The following NAALADL2 variants were observed in gnomAD, a reference collection of about 807,000 sequenced individuals.
NAALADL2 encodes the protein N-acetylated alpha-linked acidic dipeptidase like 2.
Under a neutral mutation model 87.2 loss-of-function variants are expected in NAALADL2, and 76 were observed. That is an observed-to-expected ratio of 0.87 (90% confidence interval 0.72 to 1.05). The LOEUF (loss-of-function observed/expected upper bound fraction) is 1.05. NAALADL2 is among the 50% of genes least tolerant of loss of function. NAALADL2 has a pLI of 0.00. For missense variants in NAALADL2, 1,089 were observed against 945.8 expected, an observed-to-expected ratio of 1.15 and a Z score of -1.99; for synonymous variants, 354 against 331.0, an observed-to-expected ratio of 1.07 and a Z score of -0.75.
chr3:175,774,329 C>T (rs556511244), intron 13 of NAALADL2, among the ~76,000 whole-genome samples: 1 of 151,826 alleles, frequency 6.6e-6, no homozygotes, highest in East Asian at 1.9e-4. Context: ...AGCATACAGC[C>T]AAAAATGTTT....
At chr3:175,139,597 A>T (rs6443289) in intron 2 of NAALADL2, among the ~76,000 whole-genome samples, 19,965 of 152,014 alleles carry the variant, frequency 0.13, 1,556 homozygotes, top group African/African-American at 0.21. Context: ...ATATTTTATT[A>T]TCCATATTCA....
chr3:175,170,519 G>A (rs549762780), intron 2 of NAALADL2, among the ~76,000 whole-genome samples: 4 of 147,010 alleles, frequency 2.7e-5, no homozygotes, highest in Non-Finnish European at 6.0e-5. Flanking sequence ...CACATATATA[G>A]TATTTGCCTA....
intron 2 of NAALADL2, among the ~76,000 whole-genome samples, chr3:174,625,926 T>C (rs964724913): frequency 5.3e-5 from 8 of 152,078 alleles, no homozygotes; most frequent in African/African-American, 1.9e-4. Context: ...CTTTAAGTTG[T>C]GGAATACAGG....
At chr3:174,524,210 G>A (rs1295501019) in intron 1 of NAALADL2, among the ~76,000 whole-genome samples, 1 of 152,126 alleles carries the variant, frequency 6.6e-6, no homozygotes, top group Non-Finnish European at 1.5e-5. Context: ...AATGACTAAT[G>A]TATCAGATGG....
intron 2 of NAALADL2, among the ~76,000 whole-genome samples, chr3:175,193,610 T>C (rs1738534033): frequency 6.6e-6 from 1 of 151,900 alleles, no homozygotes; most frequent in Non-Finnish European, 1.5e-5. Flanking sequence ...CCCCATTCCA[T>C]ACCCCTCTAC....
chr3:175,342,258 T>A (rs1229497081), intron 5 of NAALADL2, among the ~76,000 whole-genome samples: 2 of 152,094 alleles, frequency 1.3e-5, no homozygotes, highest in East Asian at 3.9e-4. Flanking sequence ...AGGTTTCAGA[T>A]AAGAAGCTAC....
chr3:175,511,940 G>T (rs890979087), intron 9 of NAALADL2, among the ~76,000 whole-genome samples: 1 of 152,050 alleles, frequency 6.6e-6, no homozygotes, highest in African/African-American at 2.4e-5. Flanking sequence ...CTACTAATTG[G>T]CTTAAGAAAC....
intron 1 of NAALADL2, among the ~76,000 whole-genome samples, chr3:174,938,263 G>C (rs1232013104): frequency 6.6e-6 from 1 of 151,966 alleles, no homozygotes; most frequent in Non-Finnish European, 1.5e-5. Flanking sequence ...ATGTATAAGT[G>C]AAAACATGTG....
intron 12 of NAALADL2, among the ~76,000 whole-genome samples, chr3:175,741,681 A>G (rs1050108339): frequency 1.3e-5 from 2 of 152,154 alleles, no homozygotes; most frequent in Non-Finnish European, 2.9e-5. Flanking sequence ...ATTATAAAAG[A>G]GATAATTCAG....
chr3:174,603,633 G>T (rs1466621935), intron 2 of NAALADL2, among the ~76,000 whole-genome samples: 1 of 151,360 alleles, frequency 6.6e-6, no homozygotes, highest in Non-Finnish European at 1.5e-5. Context: ...GGTTTGGTTT[G>T]TTCTTGCTTT....
At chr3:174,760,969 C>T (rs1384707476) in intron 3 of NAALADL2, among the ~76,000 whole-genome samples, 1 of 152,082 alleles carries the variant, frequency 6.6e-6, no homozygotes, top group Non-Finnish European at 1.5e-5. Context: ...CTTTTAATTC[C>T]TAATGATCCC....
chr3:175,088,635 A>G (rs1246657598), intron 1 of NAALADL2, among the ~76,000 whole-genome samples: 2 of 152,252 alleles, frequency 1.3e-5, no homozygotes, highest in African/African-American at 2.4e-5. Flanking sequence ...CCAATAAAGT[A>G]CCTTTGAAAC....
At chr3:174,878,271 G>T (rs757424482) in intron 1 of NAALADL2, among the ~76,000 whole-genome samples, 3 of 152,014 alleles carry the variant, frequency 2.0e-5, no homozygotes, top group Non-Finnish European at 4.4e-5. Context: ...GTCAAATTGA[G>T]AACTCAGATG....
chr3:175,100,120 CA>C (rs934023787), intron 2 of NAALADL2, among the ~76,000 whole-genome samples: 21 of 151,980 alleles, frequency 1.4e-4, no homozygotes, highest in Admixed American at 3.3e-4. Context: ...CAACTTATAT[CA>C]AAACCAGGTA....
At chr3:175,143,970 A>C (rs1356457148) in intron 2 of NAALADL2, among the ~76,000 whole-genome samples, 1 of 142,794 alleles carries the variant, frequency 7.0e-6, no homozygotes, top group East Asian at 2.0e-4. Flanking sequence ...CTTCATGAAA[A>C]ATTGAATGAA....
chr3:174,896,582 T>C (rs1165553435), intron 1 of NAALADL2, among the ~76,000 whole-genome samples: 3 of 152,222 alleles, frequency 2.0e-5, no homozygotes, highest in African/African-American at 7.2e-5. Flanking sequence ...TGTTAAAGTG[T>C]CCATACTACC....
intron 1 of NAALADL2, among the ~76,000 whole-genome samples, chr3:175,029,258 T>C (rs559138083): frequency 5.9e-5 from 9 of 152,160 alleles, no homozygotes; most frequent in African/African-American, 2.2e-4. Context: ...TCTCATTCTT[T>C]CACGTCTCTC....
At chr3:175,361,759 G>T (rs554415588) in intron 5 of NAALADL2, among the ~76,000 whole-genome samples, 1 of 148,082 alleles carries the variant, frequency 6.8e-6, no homozygotes, top group East Asian at 2.0e-4. Flanking sequence ...TGTAGATTCC[G>T]GATATTAGCC....
chr3:174,880,593 A>G lies in NAALADL2; in HGVS notation c.43+21143A>G, dbSNP rs191202022. ...AACACAGACTCAATGACCATCTTAG[A>G]ACATGACTGAGGTGCTTCTACTTTA... is the stretch of plus-strand genomic sequence containing the variant. On this transcript the variant is annotated intron_variant, in intron 1 of 13. Transcript: ENST00000454872. 3.9e-5 allele frequency among the ~76,000 whole-genome samples: 6 copies of G among 152,166 alleles called. No individual in the cohort carries two copies. The East Asian group carries it at 1.2e-3, about 30-fold the overall frequency.
Sources: gnomAD v4.1 joint callset for allele counts (sites outside exome capture counted in the v4.1 genomes callset) on GRCh38, gnomAD v4.1.1 for gene constraint, MANE v1.5 for transcripts, NCBI Gene and HGNC (gene_info 2026-07-23, HGNC 2026-07-21) for gene names.